Variants in PLXDC1 observed in about 807,000 individuals in gnomAD.
The protein encoded by PLXDC1 is plexin domain-containing protein 1.
A neutral mutation model predicts 61.3 loss-of-function variants in PLXDC1; 39 were observed. That is an observed-to-expected ratio of 0.64 (90% CI 0.49 to 0.83). The LOEUF (loss-of-function observed/expected upper bound fraction) is 0.83, where lower values mean the gene tolerates loss of function less well. Among genes scored for constraint, PLXDC1 ranks in the 40% least tolerant of loss-of-function variants. The pLI is 0.00. For missense variants in PLXDC1, 596 were observed against 666.5 expected, an observed-to-expected ratio of 0.89 and a Z score of 1.17; for synonymous variants, 212 against 254.5, an observed-to-expected ratio of 0.83 and a Z score of 1.59.
At chr17:39,109,187 G>C (rs1050390508) in intron 3 of PLXDC1, 61 bp downstream of exon 3, 32 of 1,558,258 alleles carry the variant, frequency 2.1e-5, no homozygotes, top group Non-Finnish European at 2.7e-5. Context: ...TGACCAGGCA[G>C]GGTGGTTTGG....
Position 39,151,389 on chromosome 17 carries a change from G to A in PLXDC1, c.49C>T (p.Arg17Trp), listed in dbSNP as rs1267442125. 3.9e-6 allele frequency: 5 copies of A among 1,294,632 alleles called. No individual in the cohort carries two copies. The highest frequency in any genetic ancestry group is 1.5e-5 in the African/African-American group (1 of 64,974). The allele number at this position is 1,294,632 out of a possible 1,614,324, so 80.2% of individuals were successfully genotyped here. A position where few individuals can be genotyped will look rare whatever the true frequency, so the allele number is the denominator to read the frequency against. ...LLVLVLREAA[R>W]ALSPQPGAGH... The stretch of plus-strand genomic sequence containing the variant: ...GCTCCGGGCTGGGGGCTCAGCGCCC[G>A]GGCAGCCTCCCTGAGCACCAGCACC... The change falls in exon 1 of 14, where the codon CGG becomes TGG. Residue 17 changes from arginine to tryptophan, a missense_variant. Physicochemically the swap from Arg to Trp is moderately radical, Grantham distance 101. Coordinates refer to ENST00000315392, the MANE Select transcript of PLXDC1 (RefSeq NM_020405.5). This position sits in a 1 kb window ranked among gnomAD's most constrained non-coding sequence, Gnocchi z 5.2.
At chr17:39,150,529 G>T (rs1177213436) in intron 1 of PLXDC1, among the ~76,000 whole-genome samples, 1 of 152,194 alleles carries the variant, frequency 6.6e-6, no homozygotes, top group East Asian at 1.9e-4. Flanking sequence ...GAAAGTCTAG[G>T]TGCTTAGGGG....
At chr17:39,150,162 A>C (rs929361680) in intron 1 of PLXDC1, among the ~76,000 whole-genome samples, 1 of 152,080 alleles carries the variant, frequency 6.6e-6, no homozygotes, top group East Asian at 1.9e-4. Flanking sequence ...GTCTCCCTGA[A>C]AATTGGTGGT....
intron 2 of PLXDC1, among the ~76,000 whole-genome samples, chr17:39,111,299 T>C (rs1355212474): frequency 6.6e-6 from 1 of 150,978 alleles, no homozygotes; most frequent in African/African-American, 2.5e-5. Context: ...CTTCTTTTAT[T>C]GTTGAGACAG....
chr17:39,108,067 G>T, intron 5 of PLXDC1, 56 bp downstream of exon 5: 2 of 1,610,708 alleles, frequency 1.2e-6, no homozygotes, highest in South Asian at 2.2e-5. Flanking sequence ...TCCTCTAAAG[G>T]ACTGGACAAG....
intron 2 of PLXDC1, chr17:39,131,895 C>T (rs1385959395): frequency 6.5e-6 from 1 of 152,746 alleles, no homozygotes; most frequent in African/African-American, 2.4e-5. Context: ...GAGCTGCCTC[C>T]TTTGGAAGGT....
At chr17:39,118,499 C>T (rs756848561) in intron 2 of PLXDC1, among the ~76,000 whole-genome samples, 9 of 152,132 alleles carry the variant, frequency 5.9e-5, no homozygotes, top group South Asian at 2.1e-4. Context: ...CCACCATGTC[C>T]GCCTAGTCTA....
Position 39,073,607 on chromosome 17 carries a change from A to C in PLXDC1, c.1187-1122T>G, listed in dbSNP as rs901997519. Among the ~76,000 whole-genome samples, 5 of 152,166 alleles carry C rather than the reference A, an allele frequency of 3.3e-5. No homozygotes were observed. In the East Asian group the frequency reaches 5.8e-4, roughly 18 times the overall value. ...CCACGCAGCCTCTCTCCCACTCACC[A>C]AGGGCTGGTTCCCAGCTGCCATCTT... On this transcript the variant is annotated intron_variant, in intron 11 of 13. Coordinates refer to ENST00000315392, the MANE Select transcript of PLXDC1 (RefSeq NM_020405.5).
intron 2 of PLXDC1, among the ~76,000 whole-genome samples, chr17:39,136,843 AAAG>A (rs1704892546): frequency 6.6e-6 from 1 of 152,196 alleles, no homozygotes; most frequent in Non-Finnish European, 1.5e-5. Context: ...AATCCTCCAG[AAAG>A]AAGAACAACA....
intron 12 of PLXDC1, among the ~76,000 whole-genome samples, chr17:39,071,748 A>G (rs1203227580): frequency 6.6e-6 from 1 of 152,086 alleles, no homozygotes; most frequent in Non-Finnish European, 1.5e-5. Context: ...CAATGGCTCC[A>G]CCTCTGCTGG....
intron 7 of PLXDC1, among the ~76,000 whole-genome samples, chr17:39,089,612 G>A (rs905918482): frequency 6.6e-6 from 1 of 152,142 alleles, no homozygotes; most frequent in African/African-American, 2.4e-5. Context: ...AGAAGTAGGT[G>A]GGGACATACG....
chr17:39,146,945 ATGAT>A (rs1332768891), intron 1 of PLXDC1, among the ~76,000 whole-genome samples: 1 of 141,388 alleles, frequency 7.1e-6, no homozygotes, highest in African/African-American at 2.6e-5. Context: ...CAGACAGGAA[ATGAT>A]TTTTTTTTTT....
At chr17:39,104,729 G>A (rs1161041676) in intron 7 of PLXDC1, among the ~76,000 whole-genome samples, 1 of 152,062 alleles carries the variant, frequency 6.6e-6, no homozygotes, top group East Asian at 1.9e-4. Flanking sequence ...GGCTGCAGTG[G>A]GTAGAAATTG....
intron 1 of PLXDC1, chr17:39,144,630 G>A (rs979706872): frequency 6.6e-6 from 1 of 152,354 alleles, no homozygotes; most frequent in East Asian, 1.9e-4. Context: ...TGAAAGCCTC[G>A]GCCTTCCCGT....
chr17:39,067,995 C>A (rs1182263272), intron 13 of PLXDC1, 36 bp from the exon 14 acceptor site: 26 of 1,604,900 alleles, frequency 1.6e-5, no homozygotes, highest in Non-Finnish European at 2.2e-5. Context: ...AGTGGGCATG[C>A]CCCCGCCCCC....
chr17:39,079,484 T>A, intron 9 of PLXDC1: 1 of 482,184 alleles, frequency 2.1e-6, no homozygotes, highest in South Asian at 1.5e-5. Flanking sequence ...CTGCTGAGAA[T>A]CCAGGCAATT....
At chr17:39,113,948 G>C (rs1003799159) in intron 2 of PLXDC1, among the ~76,000 whole-genome samples, 3 of 152,142 alleles carry the variant, frequency 2.0e-5, no homozygotes, top group African/African-American at 4.8e-5. Flanking sequence ...TGTGACACAG[G>C]CTGGCTCATG....
At chr17:39,138,782 ATAAATC>A (rs1911835649) in intron 2 of PLXDC1, among the ~76,000 whole-genome samples, 1 of 152,078 alleles carries the variant, frequency 6.6e-6, no homozygotes, top group Non-Finnish European at 1.5e-5. Context: ...AAAATATAAA[ATAAATC>A]TATACTGAGA....
intron 2 of PLXDC1, among the ~76,000 whole-genome samples, chr17:39,138,664 C>T (rs956173278): frequency 6.6e-6 from 1 of 151,550 alleles, no homozygotes; most frequent in Non-Finnish European, 1.5e-5. Context: ...GGGGCAGGCC[C>T]CAGGGGAGAG....
Sources: allele counts gnomAD v4.1 joint callset (sites outside exome capture counted in the v4.1 genomes callset), GRCh38; gene constraint gnomAD v4.1.1; non-coding constraint Gnocchi (gnomAD v3.1); transcripts MANE v1.5; gene names NCBI Gene and HGNC (gene_info 2026-07-23, HGNC 2026-07-21).